The following COL23A1 variants were observed in gnomAD, a reference collection of about 807,000 sequenced individuals.
COL23A1 encodes collagen alpha-1(XXIII) chain.
COL23A1 carries 97 observed loss-of-function variants against 99.3 expected under a neutral mutation model. The ratio of observed to expected loss-of-function variants is 0.98; its 90% CI spans 0.83 to 1.16. COL23A1 has a LOEUF of 1.16. Ranked by LOEUF, COL23A1 falls within the 50% of genes most tolerant of loss-of-function variation. COL23A1 has a pLI of 0.00. For synonymous variants in COL23A1, 320 were observed against 308.2 expected (o/e 1.04, Z -0.40); for missense variants, 762 against 757.4 (o/e 1.01, Z -0.07).
intron 3 of COL23A1, among the ~76,000 whole-genome samples, chr5:178,294,788 G>A (rs561101179): frequency 6.6e-6 from 1 of 152,300 alleles, no homozygotes; most frequent in African/African-American, 2.4e-5. Context: ...AGAGAGGTCT[G>A]ATCCAACCAC....
chr5:178,525,083 T>TTTATCTAAAACACTCAGTGCAAAATGGAA, intron 2 of COL23A1, among the ~76,000 whole-genome samples: 1 of 140,378 alleles, frequency 7.1e-6, no homozygotes, highest in African/African-American at 2.7e-5. Context: ...ACCCGAAGGC[T>TTTATCTAAAACACTCAGTGCAAAATGGAA]AAGCTCACAT....
intron 3 of COL23A1, among the ~76,000 whole-genome samples, chr5:178,297,533 A>G (rs146868267): frequency 3.3e-4 from 50 of 152,202 alleles, no homozygotes; most frequent in African/African-American, 1.1e-3. Flanking sequence ...AACAAACAAA[A>G]AACAGAGATG....
rs1361659035 is a variant in COL23A1 at position 178,415,105 on chromosome 5, G to A, written c.362-108186C>T. The stretch of plus-strand genomic sequence containing the variant: ...TTTCTCAGCACGAAACCCGGAATAT[G>A]TGAGTGCTGGTTCTCTCTGCCCCAG... On this transcript the variant is annotated intron_variant, in intron 2 of 28. Transcript: ENST00000390654. This position sits in a 1 kb window ranked among gnomAD's most constrained non-coding sequence, Gnocchi z 4.6. Among the ~76,000 whole-genome samples, 1 of 150,930 alleles carries A rather than the reference G, an allele frequency of 6.6e-6. No homozygotes were observed. The highest frequency in any genetic ancestry group is 2.5e-5 in the African/African-American group (1 of 40,800).
chr5:178,536,028 C>A (rs538792000), intron 2 of COL23A1, among the ~76,000 whole-genome samples: 38 of 152,394 alleles, frequency 2.5e-4, no homozygotes, highest in African/African-American at 8.9e-4. Context: ...AAAATGCTGA[C>A]AACCCTCTGA....
At chr5:178,474,967 C>A (rs1428147664) in intron 2 of COL23A1, among the ~76,000 whole-genome samples, 14 of 152,364 alleles carry the variant, frequency 9.2e-5, no homozygotes, top group Admixed American at 4.6e-4. Flanking sequence ...CTCCTTGCCC[C>A]TCCTACATTC....
At chr5:178,516,611 CCT>C (rs1759532115) in intron 2 of COL23A1, among the ~76,000 whole-genome samples, 2 of 152,216 alleles carry the variant, frequency 1.3e-5, no homozygotes, top group South Asian at 4.2e-4. Flanking sequence ...CGCGCCAGGC[CCT>C]GTCTCTTTCC....
intron 2 of COL23A1, among the ~76,000 whole-genome samples, chr5:178,417,712 C>T (rs542658562): frequency 2.0e-5 from 3 of 152,236 alleles, no homozygotes; most frequent in Non-Finnish European, 4.4e-5. Flanking sequence ...GCCTCCCTCA[C>T]CTTGCTGCCC....
At chr5:178,356,905 C>T (rs1037213740) in intron 2 of COL23A1, among the ~76,000 whole-genome samples, 2 of 152,124 alleles carry the variant, frequency 1.3e-5, no homozygotes, top group Non-Finnish European at 2.9e-5. Flanking sequence ...CAACCCAGCA[C>T]ACCCGTGCCC....
At chr5:178,503,292 G>C (rs370174280) in intron 2 of COL23A1, among the ~76,000 whole-genome samples, 1 of 152,160 alleles carries the variant, frequency 6.6e-6, no homozygotes, top group Admixed American at 6.5e-5. Flanking sequence ...GGAGGTTAAA[G>C]TGAGCCGAGA....
At chr5:178,408,955 CAAAA>C (rs761044673) in intron 2 of COL23A1, among the ~76,000 whole-genome samples, 9 of 71,648 alleles carry the variant, frequency 1.3e-4, no homozygotes, top group African/African-American at 2.3e-4. Flanking sequence ...AACTCTGTCT[CAAAA>C]AAAAAAAAAA....
At chr5:178,435,217 A>AT (rs1293147138) in intron 2 of COL23A1, among the ~76,000 whole-genome samples, 2 of 151,984 alleles carry the variant, frequency 1.3e-5, no homozygotes, top group Non-Finnish European at 2.9e-5. Context: ...TCTGTATTGT[A>AT]TTTTTTTCTC....
intron 2 of COL23A1, among the ~76,000 whole-genome samples, chr5:178,385,264 T>A (rs1331924206): frequency 6.6e-6 from 1 of 152,126 alleles, no homozygotes; most frequent in Non-Finnish European, 1.5e-5. Flanking sequence ...CGGGGACCCC[T>A]CTGAGCTGCT....
chr5:178,456,808 C>T (rs1253180596), intron 2 of COL23A1, among the ~76,000 whole-genome samples: 1 of 151,632 alleles, frequency 6.6e-6, no homozygotes, highest in African/African-American at 2.4e-5. Context: ...ACAAACGTAA[C>T]GAAGGATTGT....
At chr5:178,553,770 C>T (rs1359549005) in intron 2 of COL23A1, among the ~76,000 whole-genome samples, 1 of 152,198 alleles carries the variant, frequency 6.6e-6, no homozygotes, top group Non-Finnish European at 1.5e-5. Flanking sequence ...CATCTTCATA[C>T]CCACGTCCTA....
rs147443405 is a variant in COL23A1, at chr5:178,369,744, G to GA, written c.362-62826_362-62825insT. On this transcript the variant is annotated intron_variant, in intron 2 of 28. Transcript: ENST00000390654. ...TCCTTGCCTTCTGCCATGATTGTAA[G>GA]GCCCCCCCAGCCAGGTGGAACTGTA... Among the ~76,000 whole-genome samples the GA allele has an allele frequency of 4.8e-3, 644 of 134,314 alleles. 1 individual carries two copies. Among genetic ancestry groups the GA allele is most frequent in the Non-Finnish European group, 8.1e-3 (540 of 66,620 alleles). 88.1% of individuals were successfully genotyped at this position (134,314 alleles called of 152,430 possible). A position where few individuals can be genotyped will look rare whatever the true frequency, so the allele number is the denominator to read the frequency against.
intron 2 of COL23A1, among the ~76,000 whole-genome samples, chr5:178,508,669 G>A (rs1458837208): frequency 1.3e-5 from 2 of 152,086 alleles, no homozygotes; most frequent in Non-Finnish European, 2.9e-5. Context: ...TGATACCATC[G>A]TGGCCGGGAG....
rs1338671060 is a variant in COL23A1, at chr5:178,257,595, G to T, written c.730-28C>A. 1.9e-6 allele frequency: 3 copies of T among 1,551,770 alleles called. No individual in the cohort carries two copies. The South Asian group carries it at 3.6e-5, about 18-fold the overall frequency. The stretch of plus-strand genomic sequence containing the variant: ...GAGGAGAGGACACCTGGGGCTTGCC[G>T]GTCAGACCCTCGGGTGGCCAGTGGG... On this transcript the variant is annotated intron_variant, in intron 12 of 28. Transcript: ENST00000390654.
chr5:178,273,473 G>C (rs1386775135), intron 5 of COL23A1, among the ~76,000 whole-genome samples: 1 of 152,232 alleles, frequency 6.6e-6, no homozygotes, highest in Non-Finnish European at 1.5e-5. Context: ...TTTGTGATCA[G>C]AGAGCTCTGG....
chr5:178,581,119 A>G (rs1369472745), intron 1 of COL23A1, among the ~76,000 whole-genome samples: 1 of 152,246 alleles, frequency 6.6e-6, no homozygotes, highest in Admixed American at 6.5e-5. Context: ...TTCGACAACA[A>G]TGATAAATCC....
Sources: allele counts gnomAD v4.1 joint callset (sites outside exome capture counted in the v4.1 genomes callset), GRCh38; gene constraint gnomAD v4.1.1; non-coding constraint Gnocchi (gnomAD v3.1); transcripts MANE v1.5; gene names NCBI Gene and HGNC (gene_info 2026-07-23, HGNC 2026-07-21).